Variants in TMCC2 observed in about 807,000 individuals in gnomAD.
TMCC2 encodes the protein transmembrane and coiled-coil domains protein 2.
A neutral mutation model predicts 49.4 loss-of-function variants in TMCC2; 16 were observed. The ratio of observed to expected loss-of-function variants is 0.32; its 90% CI spans 0.22 to 0.49. The LOEUF (loss-of-function observed/expected upper bound fraction) is 0.49. Ranked by LOEUF, TMCC2 falls within the 20% of genes least tolerant of loss-of-function variation. TMCC2 has a pLI of 0.99. For missense variants in TMCC2, 762 were observed against 989.8 expected (o/e 0.77, Z 3.09); for synonymous variants, 397 against 434.1 (o/e 0.91, Z 1.06).
chr1:205,246,493 G>A (rs1558647838), intron 2 of TMCC2: 5 of 1,470,750 alleles, frequency 3.4e-6, no homozygotes, highest in Non-Finnish European at 4.5e-6. Flanking sequence ...AAAATGATGG[G>A]ACTGAACCAT....
At chr1:205,243,377 T>TCGTC (rs911715254) in intron 2 of TMCC2, among the ~76,000 whole-genome samples, 5 of 150,956 alleles carry the variant, frequency 3.3e-5, no homozygotes, top group African/African-American at 1.2e-4. Context: ...GAGCGAGACT[T>TCGTC]CGTCTCAAAA....
At chr1:205,271,493 G>GC (rs762733749) in intron 4 of TMCC2, 1 of 689,888 alleles carries the variant, frequency 1.4e-6, no homozygotes, top group Non-Finnish European at 2.4e-6. Flanking sequence ...AGGCCACCAT[G>GC]CCCCCCACCT....
chr1:205,230,971 G>A (rs1464071178), intron 1 of TMCC2, among the ~76,000 whole-genome samples: 2 of 63,374 alleles, frequency 3.2e-5, no homozygotes, highest in African/African-American at 4.9e-5. Flanking sequence ...CCCTTACCCC[G>A]CGCCCCCATC....
intron 2 of TMCC2, chr1:205,257,488 G>T: frequency 9.6e-7 from 1 of 1,042,966 alleles, no homozygotes; most frequent in Non-Finnish European, 1.2e-6. Context: ...CTCTCAGGGA[G>T]CTCTCCTCCA....
intron 1 of TMCC2, among the ~76,000 whole-genome samples, chr1:205,239,903 G>T (rs115308682): frequency 1.3e-5 from 2 of 152,256 alleles, no homozygotes; most frequent in Non-Finnish European, 2.9e-5. Flanking sequence ...CTCATTTAGA[G>T]GATGTCAGGT....
At position 205,272,726 on chromosome 1, in the gene TMCC2, T is replaced by C. The variant is rs1209817315; in HGVS notation, c.*602T>C. 6.5e-6 allele frequency: 1 copy of C among 154,046 alleles called. No homozygotes were observed. The highest frequency in any genetic ancestry group is 1.4e-5 in the Non-Finnish European group (1 of 69,192). 9.5% of individuals were successfully genotyped at this position (154,046 alleles called of 1,614,324 possible). On this transcript the variant is annotated 3_prime_UTR_variant, in exon 5 of 5. Transcript: ENST00000358024. The stretch of plus-strand genomic sequence containing the variant: ...CTGTAGAGCTGATTTGAGGCCTCCT[T>C]CTGGGGCTGGGCTCTGCAGGCCAGG...
chr1:205,257,265 GT>G, intron 2 of TMCC2: 10 of 1,232,260 alleles, frequency 8.1e-6, no homozygotes, highest in Non-Finnish European at 1.0e-5. Flanking sequence ...GCTGCCCAGG[GT>G]CTGTGACCCC....
rs1017458458 is a variant in TMCC2 at position 205,228,806 on chromosome 1, C to A, written c.207+35C>A. 3.9e-6 allele frequency: 6 copies of A among 1,552,872 alleles called. No individual in the cohort carries two copies. In the African/African-American group the frequency reaches 6.8e-5, roughly 18 times the overall value. ...GACCATCCCCCCGGCAAGCCCAGCC[C>A]GCGACTTAGCTCTCGCCACCCCACG... is the stretch of plus-strand genomic sequence containing the variant. On this transcript the variant is annotated intron_variant, in intron 1 of 4. Transcript: ENST00000358024.
intron 1 of TMCC2, among the ~76,000 whole-genome samples, chr1:205,233,403 A>G (rs188945664): frequency 7.2e-5 from 11 of 152,274 alleles, no homozygotes; most frequent in African/African-American, 2.6e-4. Flanking sequence ...CACACCATAC[A>G]CTGGTCTTCC....
intron 2 of TMCC2, chr1:205,267,979 A>T (rs747557096): frequency 3.0e-6 from 3 of 985,226 alleles, no homozygotes; most frequent in Non-Finnish European, 3.6e-6. Context: ...TCCTCTCCCA[A>T]TTCTCGGATA....
At chr1:205,271,673 C>T in intron 4 of TMCC2, 140 bp from the exon 5 acceptor site, 1 of 1,100,596 alleles carries the variant, frequency 9.1e-7, no homozygotes, top group Non-Finnish European at 1.3e-6. Flanking sequence ...ACCCCAGTTG[C>T]AGCTGGTCAA....
At chr1:205,258,688 C>T (rs1006856602) in intron 2 of TMCC2, among the ~76,000 whole-genome samples, 1 of 152,178 alleles carries the variant, frequency 6.6e-6, no homozygotes, top group African/African-American at 2.4e-5. Context: ...ACTTCAGGAC[C>T]AAGGGTTGGA....
intron 2 of TMCC2, among the ~76,000 whole-genome samples, chr1:205,254,789 G>A (rs1005911037): frequency 6.6e-6 from 1 of 152,104 alleles, no homozygotes; most frequent in African/African-American, 2.4e-5. Context: ...TCCTGATCCC[G>A]GGAAGCACAG....
chr1:205,271,654 A>G (rs866545820), intron 4 of TMCC2, 159 bp from the exon 5 acceptor site: 14 of 431,518 alleles, frequency 3.2e-5, no homozygotes, highest in Non-Finnish European at 4.3e-5. Context: ...TCATCCTTAA[A>G]GGTCTCTGAC....
chr1:205,234,822 G>T (rs1659969553), intron 1 of TMCC2, among the ~76,000 whole-genome samples: 1 of 152,012 alleles, frequency 6.6e-6, no homozygotes, highest in African/African-American at 2.4e-5. Context: ...ACCAGACCGG[G>T]CTAATTTTCT....
chr1:205,259,698 G>A (rs559548283), intron 2 of TMCC2, among the ~76,000 whole-genome samples: 8 of 152,334 alleles, frequency 5.3e-5, no homozygotes, highest in Admixed American at 2.0e-4. Context: ...GGCCCTGGGA[G>A]GAGGTGGAAA....
chr1:205,247,846 G>T (rs1318311351), intron 2 of TMCC2, among the ~76,000 whole-genome samples: 2 of 152,158 alleles, frequency 1.3e-5, no homozygotes, highest in African/African-American at 4.8e-5. Context: ...GCCCTGGCGG[G>T]GTTGAGTTAC....
In TMCC2 at chr1:205,272,205, G is replaced by T; in HGVS notation, c.*81G>T. The T allele has an allele frequency of 3.9e-6, 6 of 1,540,134 alleles. No individual in the cohort carries two copies. The highest frequency in any genetic ancestry group is 5.3e-6 in the Non-Finnish European group (6 of 1,142,702). On this transcript the variant is annotated 3_prime_UTR_variant, in exon 5 of 5. Transcript: ENST00000358024. ...AGGAGGGACCCTTGGACTTCTTTGT[G>T]TGTCCAGTTTGGCCTCCTGCCCAAA...
At chr1:205,244,845 A>G (rs1439009671) in intron 2 of TMCC2, among the ~76,000 whole-genome samples, 1 of 151,994 alleles carries the variant, frequency 6.6e-6, no homozygotes, top group African/African-American at 2.4e-5. Flanking sequence ...AGATGGGGGT[A>G]CTGAGGGAAT....
Sources: allele counts gnomAD v4.1 joint callset (sites outside exome capture counted in the v4.1 genomes callset), GRCh38; gene constraint gnomAD v4.1.1; transcripts MANE v1.5; gene names NCBI Gene and HGNC (gene_info 2026-07-23, HGNC 2026-07-21).